Variants in LARGE1 observed in about 807,000 individuals in gnomAD.
The protein encoded by LARGE1 is LARGE xylosyl- and glucuronyltransferase 1.
LARGE1 carries 43 observed loss-of-function variants against 87.6 expected under a neutral mutation model. The observed-to-expected ratio is 0.49, with a 90% CI of 0.38 to 0.63. LARGE1 has a LOEUF of 0.63. Ranked by LOEUF, LARGE1 falls within the 30% of genes least tolerant of loss-of-function variation. The pLI is 0.00. For synonymous variants in LARGE1, 434 were observed against 394.6 expected, an observed-to-expected ratio of 1.10 and a Z score of -1.18; for missense variants, 802 against 1,000.2, an observed-to-expected ratio of 0.80 and a Z score of 2.67.
chr22:33,220,841 T>C (rs749915823), intron 11 of LARGE1, among the ~76,000 whole-genome samples: 14 of 152,200 alleles, frequency 9.2e-5, no homozygotes, highest in Non-Finnish European at 1.5e-4. Context: ...GAATCCTTCA[T>C]GTGCACTCTC....
chr22:33,478,128 T>C (rs946116608), intron 6 of LARGE1, among the ~76,000 whole-genome samples: 9 of 152,136 alleles, frequency 5.9e-5, no homozygotes, highest in Admixed American at 5.9e-4. Flanking sequence ...CCATCTCTGC[T>C]CACAGTCCAG....
chr22:33,775,295 G>A (rs147355294), intron 1 of LARGE1, among the ~76,000 whole-genome samples: 219 of 152,270 alleles, frequency 1.4e-3, no homozygotes, highest in African/African-American at 4.8e-3. Flanking sequence ...CTCCAAAATC[G>A]GATCCCTGTC....
chr22:33,081,783 G>C, the LARGE1 span, among the ~76,000 whole-genome samples: 6 of 152,132 alleles, frequency 3.9e-5, no homozygotes, highest in Non-Finnish European at 8.8e-5. Context: ...ATAGCACATA[G>C]GGAAAGGGAG....
chr22:33,793,362 C>T (rs1372256112), intron 1 of LARGE1, among the ~76,000 whole-genome samples: 9 of 152,036 alleles, frequency 5.9e-5, no homozygotes, highest in South Asian at 2.1e-4. Context: ...AATCAGTCTC[C>T]GCTCCCACCT....
chr22:33,430,129 T>G (rs1207520024), intron 7 of LARGE1, among the ~76,000 whole-genome samples: 1 of 152,216 alleles, frequency 6.6e-6, no homozygotes, highest in Non-Finnish European at 1.5e-5. Flanking sequence ...CAAGGCAGGT[T>G]GGTAGTTAAC....
chr22:33,779,269 T>C (rs1039710616), intron 1 of LARGE1, among the ~76,000 whole-genome samples: 1 of 152,204 alleles, frequency 6.6e-6, no homozygotes, highest in South Asian at 2.1e-4. Flanking sequence ...GGCTCTATGG[T>C]GGGTGCTTAA....
intron 1 of LARGE1, among the ~76,000 whole-genome samples, chr22:33,798,585 G>C (rs764792749): frequency 6.6e-6 from 1 of 152,056 alleles, no homozygotes; most frequent in Non-Finnish European, 1.5e-5. Flanking sequence ...TGGCTTTTTC[G>C]CAACAGGAGT....
chr22:33,595,378 A>G (rs1388595370), intron 5 of LARGE1, among the ~76,000 whole-genome samples: 7 of 152,198 alleles, frequency 4.6e-5, no homozygotes, highest in Non-Finnish European at 8.8e-5. Flanking sequence ...CTCTGAGCTC[A>G]GACCAACTGT....
intron 5 of LARGE1, among the ~76,000 whole-genome samples, chr22:33,591,211 C>G (rs377553253): frequency 6.6e-6 from 1 of 152,154 alleles, no homozygotes; most frequent in East Asian, 1.9e-4. Flanking sequence ...AACAAACAAA[C>G]AAAAAAGCTA....
intron 5 of LARGE1, among the ~76,000 whole-genome samples, chr22:33,594,808 T>C (rs2078934850): frequency 6.6e-6 from 1 of 152,176 alleles, no homozygotes; most frequent in Non-Finnish European, 1.5e-5. Context: ...AGTTTCACCA[T>C]GTTGGCCAGG....
chr22:33,579,570 T>C lies in LARGE1; in HGVS notation c.616-14551A>G, dbSNP rs112241545. ...CTCCTTCAGGACACTGATAAAGACC[T>C]GCTGCAGCCCCAGCCCAGGGCTGGC... On this transcript the variant is annotated intron_variant, in intron 5 of 14. Transcript: ENST00000397394. 4.6e-3 allele frequency among the ~76,000 whole-genome samples: 694 copies of C among 152,280 alleles called. 7 individuals carry two copies. Among genetic ancestry groups the C allele is most frequent in the African/African-American group, 0.015 (619 of 41,554 alleles).
At chr22:33,183,387 A>G (rs75083827) in intron 11 of LARGE1, among the ~76,000 whole-genome samples, 4,593 of 152,260 alleles carry the variant, frequency 0.03, 96 homozygotes, top group Admixed American at 0.057. Flanking sequence ...GGGAATGTGT[A>G]TTGTTACAAC....
chr22:33,308,584 C>G (rs986260437), intron 11 of LARGE1, among the ~76,000 whole-genome samples: 1 of 152,124 alleles, frequency 6.6e-6, no homozygotes, highest in Non-Finnish European at 1.5e-5. Flanking sequence ...TTGCTTTGGT[C>G]CATGCGATAT....
intron 11 of LARGE1, among the ~76,000 whole-genome samples, chr22:33,198,327 GTA>G (rs137438): frequency 0.63 from 94,954 of 151,594 alleles, 30,214 homozygotes; most frequent in African/African-American, 0.71. Context: ...GACATAAAAT[GTA>G]TATATATCTG....
In LARGE1 at chr22:33,386,127, T is replaced by C. The variant is rs1045825993; in HGVS notation, c.893-1823A>G. 1.4e-4 allele frequency among the ~76,000 whole-genome samples: 21 copies of C among 148,842 alleles called. 2 individuals are homozygous for C. Among genetic ancestry groups the C allele is most frequent in the Non-Finnish European group, 2.6e-4 (17 of 66,510 alleles). On this transcript the variant is annotated intron_variant, in intron 7 of 14. Transcript: ENST00000397394. Reference sequence around the variant, plus strand: ...GGACAAATTAGATCTGCTGCATAGGTCCTTTGTGCTTTGTTAGGGTTTTTG... The same window carrying C: ...GGACAAATTAGATCTGCTGCATAGGCCCTTTGTGCTTTGTTAGGGTTTTTG...
chr22:33,142,222 A>G, the LARGE1 span, among the ~76,000 whole-genome samples: 1 of 152,152 alleles, frequency 6.6e-6, no homozygotes. Context: ...GCCAGGGACA[A>G]TTGGCTTTGT....
chr22:33,174,914 C>T (rs1922781886), intron 11 of LARGE1, among the ~76,000 whole-genome samples: 1 of 152,144 alleles, frequency 6.6e-6, no homozygotes, highest in South Asian at 2.1e-4. Flanking sequence ...CAAAGAGGAG[C>T]TGGTACCATT....
intron 11 of LARGE1, among the ~76,000 whole-genome samples, chr22:33,174,078 C>T (rs1922728131): frequency 6.6e-6 from 1 of 152,018 alleles, no homozygotes; most frequent in Admixed American, 6.6e-5. Context: ...TAAAATTGAC[C>T]ACATAATTGG....
chr22:33,920,971 T>G (rs1289904156), upstream of LARGE1, among the ~76,000 whole-genome samples: 1 of 149,228 alleles, frequency 6.7e-6, no homozygotes, highest in Admixed American at 6.6e-5. Flanking sequence ...CGCCTCCGCG[T>G]GCCCAGAGCG....
Sources: gnomAD v4.1 joint callset for allele counts (sites outside exome capture counted in the v4.1 genomes callset) on GRCh38, gnomAD v4.1.1 for gene constraint, MANE v1.5 for transcripts, NCBI Gene and HGNC (gene_info 2026-07-23, HGNC 2026-07-21) for gene names.